Variants in STARD3 observed in about 807,000 individuals in gnomAD.
The protein encoded by STARD3 is StAR related lipid transfer domain containing 3, also known as stAR-related lipid transfer protein 3.
Under a neutral mutation model 62.0 loss-of-function variants are expected in STARD3, and 39 were observed. That is an observed-to-expected ratio of 0.63 (90% CI 0.49 to 0.82). The LOEUF is 0.82. Among genes scored for constraint, STARD3 ranks in the 40% least tolerant of loss-of-function variants. The pLI is 0.00. For synonymous variants in STARD3, 229 were observed against 242.4 expected (o/e 0.94, Z 0.51); for missense variants, 543 against 584.5 (o/e 0.93, Z 0.73).
chr17:39,637,788 T>C (rs906326860), intron 1 of STARD3, among the ~76,000 whole-genome samples: 1 of 152,202 alleles, frequency 6.6e-6, no homozygotes, highest in South Asian at 2.1e-4. Context: ...CAATGTCTCC[T>C]GGTTTTCTTC....
chr17:39,664,118 T>A lies in STARD3; in HGVS notation c.*1210T>A, dbSNP rs566901296. ...GTGTGTGACCCTGGGCGAATCTACC[T>A]CTCTCAGCTTCTGCTTCCCACTTTA... On this transcript the variant is annotated 3_prime_UTR_variant, in exon 15 of 15. Transcript: ENST00000336308. 1 of 152,356 alleles carries A rather than the reference T, an allele frequency of 6.6e-6. No individual in the cohort carries two copies. Among genetic ancestry groups the A allele is most frequent in the Non-Finnish European group, 1.5e-5 (1 of 68,022 alleles). 9.4% of individuals were successfully genotyped at this position (152,356 alleles called of 1,614,324 possible).
intron 1 of STARD3, among the ~76,000 whole-genome samples, chr17:39,647,523 C>G (rs1482023966): frequency 6.6e-6 from 1 of 152,158 alleles, no homozygotes; most frequent in African/African-American, 2.4e-5. Flanking sequence ...GCTGTGATGC[C>G]TCCAGGGCTA....
chr17:39,655,856 C>T (rs1442625257), intron 2 of STARD3, among the ~76,000 whole-genome samples: 1 of 151,840 alleles, frequency 6.6e-6, no homozygotes, highest in African/African-American at 2.4e-5. Context: ...ACTTGGCTCT[C>T]CCGAGTCCTG....
intron 2 of STARD3, among the ~76,000 whole-genome samples, 159 bp downstream of exon 2, chr17:39,653,909 A>T (rs1198188012): frequency 6.6e-6 from 1 of 152,190 alleles, no homozygotes; most frequent in Non-Finnish European, 1.5e-5. Context: ...TTCTGAATGA[A>T]GGAATGTGGA....
At chr17:39,645,934 C>G (rs2144923542) in intron 1 of STARD3, among the ~76,000 whole-genome samples, 1 of 127,402 alleles carries the variant, frequency 7.8e-6, no homozygotes, top group South Asian at 2.7e-4. Context: ...CTCTGTCACC[C>G]AGACTGGAAT....
At chr17:39,649,251 A>G (rs1264800895) in intron 1 of STARD3, among the ~76,000 whole-genome samples, 2 of 152,238 alleles carry the variant, frequency 1.3e-5, no homozygotes, top group Non-Finnish European at 2.9e-5. Flanking sequence ...TACCTCACAA[A>G]ACCACATATG....
At chr17:39,637,658 G>C (rs2056944734) in intron 1 of STARD3, 1 of 152,220 alleles carries the variant, frequency 6.6e-6, no homozygotes, top group African/African-American at 2.4e-5. Context: ...AAACGGCCGT[G>C]AATAACTTCC....
rs549313772 is a variant in STARD3, at chr17:39,653,606, A to G, written c.75A>G (p.Ser25=). The stretch of plus-strand genomic sequence containing the variant: ...CTGCCGTGGCCTCCCTGGGCTCCTC[A>G]CTGTCCCACAGCCAGAGCCTCTCCT... The part of the protein sequence containing the change: ...SLPAVASLGS[S]LSHSQSLSSH... Residue 25 remains serine (S), a synonymous_variant, in exon 2 of 15, where the codon TCA becomes TCG. Coordinates refer to ENST00000336308, the MANE Select transcript of STARD3 (RefSeq NM_006804.4). The G allele has an allele frequency of 1.9e-6, 3 of 1,612,644 alleles. No individual in the cohort carries two copies. The highest frequency in any genetic ancestry group is 2.5e-6 in the Non-Finnish European group (3 of 1,179,984).
Position 39,653,485 on chromosome 17 carries a change from G to A in STARD3, c.-47G>A. 6.3e-7 allele frequency: 1 copy of A among 1,586,360 alleles called. No individual in the cohort carries two copies. The highest frequency in any genetic ancestry group is 1.1e-5 in the South Asian group (1 of 90,316). On this transcript the variant is annotated 5_prime_UTR_variant, in exon 2 of 15. Transcript: ENST00000336308. ...CTGCCTCTGCCTCGCCCCCAGCCCT[G>A]CTGCTGAGGCCGCGCCCTCCCCGCC...
intron 1 of STARD3, among the ~76,000 whole-genome samples, chr17:39,638,888 C>T (rs74344980): frequency 0.033 from 5,000 of 152,218 alleles, 119 homozygotes; most frequent in African/African-American, 0.063. Flanking sequence ...ATGCATTAAT[C>T]CTAGTACTTT....
rs774624301 is a variant in STARD3 at position 39,658,725 on chromosome 17, A to G, written c.551A>G (p.Tyr184Cys). 8 of 1,613,716 alleles carry G rather than the reference A, an allele frequency of 5.0e-6. No individual in the cohort carries two copies. The highest frequency in any genetic ancestry group is 6.8e-6 in the Non-Finnish European group (8 of 1,179,958). ...LPQEAEEERW[Y>C]LAAQVAVARG... is the part of the protein sequence containing the mutation. ...GGGACCGAGTCTGCTCCTCCAGGGT[A>G]TCTTGCCGCCCAGGTTGCTGTTGCC... Residue 184 changes from tyrosine to cysteine, a missense_variant, in exon 7 of 15, where the codon TAT (tyrosine) becomes TGT (cysteine). By Grantham distance (194) the Tyr-to-Cys change is radical. Coordinates refer to ENST00000336308, the MANE Select transcript of STARD3 (RefSeq NM_006804.4).
chr17:39,650,367 G>C (rs562406337), intron 1 of STARD3, among the ~76,000 whole-genome samples: 2 of 152,334 alleles, frequency 1.3e-5, no homozygotes, highest in South Asian at 2.1e-4. Flanking sequence ...GGCAAGGAAG[G>C]GGTCAGAGGG....
Position 39,658,706 on chromosome 17 carries a change from G to A in STARD3, c.548-16G>A, listed in dbSNP as rs1278396489. ...GTGTAACTGTCCTCGGTCCGGGACCGAGTCTGCTCCTCCAGGGTATCTTGC... is the reference window on the plus strand; with the variant it reads ...GTGTAACTGTCCTCGGTCCGGGACCAAGTCTGCTCCTCCAGGGTATCTTGC... On this transcript the variant is annotated splice_polypyrimidine_tract_variant and intron_variant, in intron 6 of 14. Transcript: ENST00000336308. 8 of 1,613,736 alleles carry A rather than the reference G, an allele frequency of 5.0e-6. No individual in the cohort carries two copies. Among genetic ancestry groups the A allele is most frequent in the Admixed American group, 3.3e-5 (2 of 59,994 alleles).
At position 39,660,277 on chromosome 17, in the gene STARD3, A is replaced by G; in HGVS notation, c.858+4A>G. ...CGGCAAGACGTTTATCCTGAAGGTG[A>G]GTGAGGGGAGCGGGTGTCCTGGAGC... On this transcript the variant is annotated splice_donor_region_variant and intron_variant, in intron 10 of 14. Transcript: ENST00000336308. This position sits in a 1 kb window ranked among gnomAD's most constrained non-coding sequence, Gnocchi z 4.8. 1 of 1,613,942 alleles carries G rather than the reference A, an allele frequency of 6.2e-7. No homozygotes were observed. Among genetic ancestry groups the G allele is most frequent in the Non-Finnish European group, 8.5e-7 (1 of 1,180,000 alleles).
chr17:39,648,073 C>T (rs2057043248), intron 1 of STARD3, among the ~76,000 whole-genome samples: 1 of 152,000 alleles, frequency 6.6e-6, no homozygotes, highest in South Asian at 2.1e-4. Flanking sequence ...ATCACGAGAT[C>T]AGGAGATTGA....
At chr17:39,661,897 G>A (rs1187187482) in intron 13 of STARD3, among the ~76,000 whole-genome samples, 1 of 152,248 alleles carries the variant, frequency 6.6e-6, no homozygotes, top group African/African-American at 2.4e-5. Flanking sequence ...TGAAGGGGAA[G>A]GGGTAAGAAG....
At chr17:39,647,694 G>A (rs1028537158) in intron 1 of STARD3, among the ~76,000 whole-genome samples, 3 of 152,202 alleles carry the variant, frequency 2.0e-5, no homozygotes, top group Non-Finnish European at 4.4e-5. Context: ...CCTAGCCAAC[G>A]AGGCCTCACT....
intron 1 of STARD3, among the ~76,000 whole-genome samples, chr17:39,650,528 C>A (rs2057067979): frequency 6.6e-6 from 1 of 152,054 alleles, no homozygotes; most frequent in African/African-American, 2.4e-5. Context: ...AGGAAATAGG[C>A]CAGGTGCAGT....
intron 1 of STARD3, among the ~76,000 whole-genome samples, chr17:39,643,428 A>G (rs1191499734): frequency 6.6e-6 from 1 of 152,172 alleles, no homozygotes; most frequent in African/African-American, 2.4e-5. Flanking sequence ...CCCATGAGTC[A>G]TCACTACAGC....
Sources: allele counts gnomAD v4.1 joint callset (sites outside exome capture counted in the v4.1 genomes callset), GRCh38; gene constraint gnomAD v4.1.1; non-coding constraint Gnocchi (gnomAD v3.1); transcripts MANE v1.5; gene names NCBI Gene and HGNC (gene_info 2026-07-23, HGNC 2026-07-21).